PID1: variants seen among roughly 807,000 people sequenced by gnomAD.
The protein encoded by PID1 is PTB-containing, cubilin and LRP1-interacting protein.
A neutral mutation model predicts 19.1 loss-of-function variants in PID1; 10 were observed. That is an observed-to-expected ratio of 0.52 (90% CI 0.32 to 0.89). The LOEUF (loss-of-function observed/expected upper bound fraction) is 0.89. Among genes scored for constraint, PID1 ranks in the 40% least tolerant of loss-of-function variants. The pLI is 0.03. For synonymous variants in PID1, 130 were observed against 116.0 expected, an observed-to-expected ratio of 1.12 and a Z score of -0.78; for missense variants, 248 against 285.3, an observed-to-expected ratio of 0.87 and a Z score of 0.94.
intron 2 of PID1, among the ~76,000 whole-genome samples, chr2:229,054,387 G>A (rs573558698): frequency 6.6e-6 from 1 of 152,234 alleles, no homozygotes; most frequent in South Asian, 2.1e-4. Flanking sequence ...CAATGGAAGC[G>A]ATTACCAAAG....
At chr2:229,141,652 A>T (rs76634673) in intron 2 of PID1, among the ~76,000 whole-genome samples, 2 of 149,476 alleles carry the variant, frequency 1.3e-5, no homozygotes, top group East Asian at 2.0e-4. Context: ...TGGGGGGGGA[A>T]CTAATTTCAG....
At chr2:229,114,592 T>G (rs4972887) in intron 2 of PID1, among the ~76,000 whole-genome samples, 1 of 151,888 alleles carries the variant, frequency 6.6e-6, no homozygotes, top group Admixed American at 6.5e-5. Flanking sequence ...ATGCTAAGCA[T>G]GCCAAATGAC....
intron 1 of PID1, among the ~76,000 whole-genome samples, chr2:229,202,193 C>A (rs552119113): frequency 3.3e-5 from 5 of 152,010 alleles, no homozygotes; most frequent in Non-Finnish European, 5.9e-5. Flanking sequence ...CTAATTTGAC[C>A]GTCTGGAAGT....
chr2:229,183,814 C>T (rs1395266430), intron 1 of PID1, among the ~76,000 whole-genome samples: 1 of 151,512 alleles, frequency 6.6e-6, no homozygotes, highest in African/African-American at 2.4e-5. Context: ...CAGCCTCCAT[C>T]ACTGCAAAGC....
intron 1 of PID1, among the ~76,000 whole-genome samples, chr2:229,260,964 C>T (rs1690449889): frequency 6.6e-6 from 1 of 151,870 alleles, no homozygotes; most frequent in Non-Finnish European, 1.5e-5. Context: ...ACCCGTAGTA[C>T]CTCGACATGT....
intron 2 of PID1, among the ~76,000 whole-genome samples, chr2:229,077,782 C>G (rs1694589742): frequency 6.6e-6 from 1 of 152,214 alleles, no homozygotes; most frequent in Admixed American, 6.5e-5. Flanking sequence ...ATTTTGGTTA[C>G]TGCAGCCTTG....
intron 2 of PID1, among the ~76,000 whole-genome samples, chr2:229,046,358 G>GTA (rs932699275): frequency 6.7e-6 from 1 of 149,080 alleles, no homozygotes; most frequent in Non-Finnish European, 1.5e-5. Context: ...GTGTGTGTGT[G>GTA]TGTGTGTGTG....
intron 2 of PID1, among the ~76,000 whole-genome samples, chr2:229,044,928 A>C (rs2106178011): frequency 6.6e-6 from 1 of 152,300 alleles, no homozygotes; most frequent in South Asian, 2.1e-4. Flanking sequence ...CGTATTAGGT[A>C]TTACAATTTT....
intron 1 of PID1, among the ~76,000 whole-genome samples, chr2:229,264,659 C>G (rs1574769537): frequency 6.6e-6 from 1 of 152,214 alleles, no homozygotes; most frequent in East Asian, 1.9e-4. Flanking sequence ...GTGAGCAGGT[C>G]ATTAACATAC....
At chr2:229,145,456 G>A (rs1305383024) in intron 2 of PID1, among the ~76,000 whole-genome samples, 1 of 151,762 alleles carries the variant, frequency 6.6e-6, no homozygotes, top group Admixed American at 6.6e-5. Context: ...AAAATATGTG[G>A]AATAATTAAC....
chr2:229,114,525 TG>T (rs1378591756), intron 2 of PID1, among the ~76,000 whole-genome samples: 2 of 152,094 alleles, frequency 1.3e-5, no homozygotes. Flanking sequence ...CCTTCACAAT[TG>T]GGGTACTCTC....
intron 1 of PID1, among the ~76,000 whole-genome samples, chr2:229,175,683 A>T (rs945390237): frequency 1.3e-5 from 2 of 152,202 alleles, no homozygotes; most frequent in Non-Finnish European, 2.9e-5. Flanking sequence ...CTGGAAGACA[A>T]TACAAAGAGG....
intron 1 of PID1, among the ~76,000 whole-genome samples, chr2:229,163,680 T>TGCGC (rs1553570262): frequency 0.17 from 17,164 of 103,180 alleles, 1,239 homozygotes; most frequent in South Asian, 0.39. Flanking sequence ...TGTGTGCGTG[T>TGCGC]GCGTGTGTGT....
chr2:229,034,081 T>A (rs924388340), intron 2 of PID1, among the ~76,000 whole-genome samples: 1 of 152,158 alleles, frequency 6.6e-6, no homozygotes, highest in African/African-American at 2.4e-5. Context: ...GACTCGATAA[T>A]TATGACCATG....
At chr2:229,171,547 CCTCT>C (rs1324973987) in intron 1 of PID1, among the ~76,000 whole-genome samples, 1 of 152,116 alleles carries the variant, frequency 6.6e-6, no homozygotes, top group Admixed American at 6.6e-5. Flanking sequence ...AGAACTAACC[CCTCT>C]CTCTGTTTAT....
intron 2 of PID1, among the ~76,000 whole-genome samples, chr2:229,077,765 C>G (rs13224394): frequency 2.6e-5 from 4 of 152,156 alleles, no homozygotes; most frequent in Non-Finnish European, 5.9e-5. Flanking sequence ...GGTACCAGTA[C>G]CATGCCATTT....
chr2:229,079,092 A>G (rs1694620806), intron 2 of PID1, among the ~76,000 whole-genome samples: 1 of 152,200 alleles, frequency 6.6e-6, no homozygotes, highest in African/African-American at 2.4e-5. Context: ...AAAAAGCAAA[A>G]AGTAGATTAT....
chr2:229,201,889 G>A (rs1161048193), intron 1 of PID1, among the ~76,000 whole-genome samples: 2 of 151,760 alleles, frequency 1.3e-5, no homozygotes, highest in Admixed American at 6.6e-5. Context: ...TATTCACTTT[G>A]GCTTCCATGG....
intron 1 of PID1, among the ~76,000 whole-genome samples, chr2:229,187,598 C>G (rs767852641): frequency 8.5e-5 from 13 of 152,098 alleles, no homozygotes; most frequent in Non-Finnish European, 1.9e-4. Flanking sequence ...TCCACTGGTC[C>G]CTCCCACAAT....
Sources: gnomAD v4.1 joint callset for allele counts (sites outside exome capture counted in the v4.1 genomes callset) on GRCh38, gnomAD v4.1.1 for gene constraint, MANE v1.5 for transcripts, NCBI Gene and HGNC (gene_info 2026-07-23, HGNC 2026-07-21) for gene names.